Variants in PIK3R5 observed in about 807,000 individuals in gnomAD.
PIK3R5 encodes phosphoinositide 3-kinase regulatory subunit 5.
In PIK3R5, 32 loss-of-function variants were observed where a neutral mutation model predicts 94.9. The observed-to-expected ratio is 0.34, with a 90% confidence interval of 0.25 to 0.45. PIK3R5 has a LOEUF of 0.45. Among genes scored for constraint, PIK3R5 ranks in the 20% least tolerant of loss-of-function variants. The pLI, the probability that PIK3R5 is intolerant of heterozygous loss-of-function variation, is 1.00. For synonymous variants in PIK3R5, 443 were observed against 479.4 expected, an observed-to-expected ratio of 0.92 and a Z score of 0.99; for missense variants, 853 against 1,144.6, an observed-to-expected ratio of 0.75 and a Z score of 3.68.
At chr17:8,916,490 C>T (rs1489220031) in intron 1 of PIK3R5, 9 of 147,482 alleles carry the variant, frequency 6.1e-5, no homozygotes, top group African/African-American at 1.0e-4. Context: ...CCCGCCCCCC[C>T]GCCCCCGCCA....
chr17:8,939,252 G>A (rs957796307), intron 1 of PIK3R5, among the ~76,000 whole-genome samples: 1 of 152,166 alleles, frequency 6.6e-6, no homozygotes, highest in Non-Finnish European at 1.5e-5. Flanking sequence ...CAGCTGTCAG[G>A]TAACACCTCG....
At chr17:8,928,939 T>C (rs962724384) in intron 1 of PIK3R5, among the ~76,000 whole-genome samples, 1 of 152,210 alleles carries the variant, frequency 6.6e-6, no homozygotes, top group Non-Finnish European at 1.5e-5. Flanking sequence ...ATTAAATGTA[T>C]GCTGAGTAAA....
chr17:8,887,039 G>A (rs2089876358), intron 12 of PIK3R5, 57 bp downstream of exon 12: 1 of 1,602,758 alleles, frequency 6.2e-7, no homozygotes, highest in Non-Finnish European at 8.5e-7. Flanking sequence ...GGCCTTCTAA[G>A]TGAGGCTGGG....
At chr17:8,914,379 C>A (rs1345329019) in intron 1 of PIK3R5, among the ~76,000 whole-genome samples, 1 of 152,128 alleles carries the variant, frequency 6.6e-6, no homozygotes, top group Non-Finnish European at 1.5e-5. Flanking sequence ...ATTCTAGGGA[C>A]AAAAGTTGCT....
In PIK3R5 at chr17:8,889,691, C is replaced by T. The variant is rs998019733; in HGVS notation, c.811+282G>A. Among the ~76,000 whole-genome samples the T allele has an allele frequency of 2.0e-5, 3 of 152,102 alleles. No homozygotes were observed. The highest frequency in any genetic ancestry group is 7.2e-5 in the African/African-American group (3 of 41,394). On this transcript the variant is annotated intron_variant, in intron 8 of 18. Coordinates refer to ENST00000447110, the MANE Select transcript of PIK3R5 (RefSeq NM_001142633.3). The surrounding 1 kb of genome is among the most constrained non-coding windows in gnomAD (Gnocchi z 4.1). ...AGGAACATGAGCGGAAGTGATGTGC[C>T]CAGCTTCTGCATCACCTTCAACAGA...
chr17:8,919,641 G>A (rs1245095889), intron 1 of PIK3R5, among the ~76,000 whole-genome samples: 1 of 152,164 alleles, frequency 6.6e-6, no homozygotes, highest in Non-Finnish European at 1.5e-5. Flanking sequence ...AGATCTCCGT[G>A]CCCAGTTTGC....
intron 5 of PIK3R5, among the ~76,000 whole-genome samples, chr17:8,897,019 A>G (rs776303147): frequency 2.0e-5 from 3 of 152,166 alleles, no homozygotes; most frequent in Non-Finnish European, 2.9e-5. Flanking sequence ...CACCAGGCAC[A>G]CCACTCCCCA....
chr17:8,881,823 T>C lies in PIK3R5; in HGVS notation c.2264A>G (p.Asn755Ser), dbSNP rs2089671200. The C allele has an allele frequency of 6.2e-7, 1 of 1,614,004 alleles. No individual in the cohort carries two copies. The highest frequency in any genetic ancestry group is 8.5e-7 in the Non-Finnish European group (1 of 1,180,008). The change falls in exon 16 of 19, where the codon AAC becomes AGC. Residue 755 changes from asparagine to serine, a missense_variant. Asn to Ser is a conservative substitution (Grantham distance 46). This residue lies in a region of PIK3R5 where 173 missense variants were observed against 274.1 expected (regional missense o/e 0.63). Coordinates refer to ENST00000447110, the MANE Select transcript of PIK3R5 (RefSeq NM_001142633.3). The surrounding 1 kb of genome is among the most constrained non-coding windows in gnomAD (Gnocchi z 4.8). ...SNLEKVCTSV[N>S]LNKACRKQEE... Reference sequence around the variant, plus strand: ...CTGCTTCCGGCAGGCCTTGTTGAGGTTCACGGAGGTACAGACCTTCTCCAG... The same window carrying C: ...CTGCTTCCGGCAGGCCTTGTTGAGGCTCACGGAGGTACAGACCTTCTCCAG...
chr17:8,943,752 G>A (rs1465479661), intron 1 of PIK3R5, among the ~76,000 whole-genome samples: 1 of 152,046 alleles, frequency 6.6e-6, no homozygotes, highest in African/African-American at 2.4e-5. Flanking sequence ...CAGCCTGAGT[G>A]ACAGAGCAAG....
At chr17:8,912,227 C>A (rs1427261956) in intron 1 of PIK3R5, among the ~76,000 whole-genome samples, 1 of 152,100 alleles carries the variant, frequency 6.6e-6, no homozygotes, top group East Asian at 1.9e-4. Flanking sequence ...GTATGGGGAA[C>A]TGAGAGCCCC....
At chr17:8,962,183 T>A (rs2091578371) in intron 1 of PIK3R5, among the ~76,000 whole-genome samples, 1 of 152,126 alleles carries the variant, frequency 6.6e-6, no homozygotes. Context: ...ATGGGGGCAA[T>A]AATTGTAGCT....
intron 1 of PIK3R5, among the ~76,000 whole-genome samples, chr17:8,962,635 C>T (rs1349467376): frequency 2.0e-5 from 3 of 152,022 alleles, no homozygotes; most frequent in Non-Finnish European, 4.4e-5. Flanking sequence ...TAAGATGCAC[C>T]GTTATTTTGT....
rs2089855041 is a variant in PIK3R5 at position 8,886,331 on chromosome 17, G to T, written c.2035-9C>A. On this transcript the variant is annotated splice_polypyrimidine_tract_variant and intron_variant, in intron 13 of 18. Coordinates refer to ENST00000447110, the MANE Select transcript of PIK3R5 (RefSeq NM_001142633.3). ...CCAGTGATGAAGGTCAGCTGGAGAG[G>T]GCAGGAGCATGTACATCAGTGTGAA... The T allele has an allele frequency of 1.9e-6, 3 of 1,609,652 alleles. No individual in the cohort carries two copies. The highest frequency in any genetic ancestry group is 2.2e-5 in the South Asian group (2 of 90,994).
intron 1 of PIK3R5, among the ~76,000 whole-genome samples, chr17:8,918,688 T>C (rs1325729548): frequency 6.6e-6 from 1 of 152,172 alleles, no homozygotes; most frequent in Admixed American, 6.5e-5. Flanking sequence ...TGTGGACAAA[T>C]AGGATATTTG....
At chr17:8,949,377 G>T (rs1290496070) in intron 1 of PIK3R5, among the ~76,000 whole-genome samples, 1 of 152,192 alleles carries the variant, frequency 6.6e-6, no homozygotes, top group Non-Finnish European at 1.5e-5. Flanking sequence ...ATGCCAAATA[G>T]GGAGGCTTGC....
chr17:8,951,290 C>T (rs185512687), intron 1 of PIK3R5, among the ~76,000 whole-genome samples: 2 of 152,282 alleles, frequency 1.3e-5, no homozygotes, highest in East Asian at 3.9e-4. Context: ...TCTAAGTATA[C>T]AGTTCAGTGA....
Position 8,911,340 on chromosome 17 carries a change from C to T in PIK3R5, c.103+52G>A. The stretch of plus-strand genomic sequence containing the variant: ...TGCCTGGTCCAGTGCCCACCGTGGC[C>T]CCTGAGGCTTCCTTGAGCCCTCAAA... On this transcript the variant is annotated intron_variant, in intron 2 of 18. Transcript: ENST00000447110. This position sits in a 1 kb window ranked among gnomAD's most constrained non-coding sequence, Gnocchi z 5.3. The T allele has an allele frequency of 1.4e-6, 2 of 1,416,652 alleles. No individual in the cohort carries two copies. Among genetic ancestry groups the T allele is most frequent in the Non-Finnish European group, 9.9e-7 (1 of 1,015,192 alleles). The allele number at this position is 1,416,652 out of a possible 1,614,324, so 87.8% of individuals were successfully genotyped here. A position where few individuals can be genotyped will look rare whatever the true frequency, so the allele number is the denominator to read the frequency against.
intron 1 of PIK3R5, among the ~76,000 whole-genome samples, chr17:8,924,331 A>C (rs1215351336): frequency 6.6e-6 from 1 of 150,860 alleles, no homozygotes; most frequent in Non-Finnish European, 1.5e-5. Context: ...TGCTGGCTTC[A>C]GCCTCCCAAA....
intron 1 of PIK3R5, among the ~76,000 whole-genome samples, chr17:8,927,548 A>T (rs143251470): frequency 6.6e-6 from 1 of 152,352 alleles, no homozygotes; most frequent in East Asian, 1.9e-4. Flanking sequence ...AGATGATGTC[A>T]GAGGAAGCCT....
Sources: gnomAD v4.1 joint callset for allele counts (sites outside exome capture counted in the v4.1 genomes callset) on GRCh38, gnomAD v4.1.1 for gene constraint, gnomAD v4.1.1 regional missense constraint, Gnocchi (gnomAD v3.1) non-coding constraint, MANE v1.5 for transcripts, NCBI Gene and HGNC (gene_info 2026-07-23, HGNC 2026-07-21) for gene names.